The following MRTFB variants were observed in gnomAD, a reference collection of about 807,000 sequenced individuals.
The protein encoded by MRTFB is myocardin related transcription factor B, also known as myocardin-related transcription factor B.
MRTFB carries 29 observed loss-of-function variants against 104.2 expected under a neutral mutation model. That is an observed-to-expected ratio of 0.28 (90% confidence interval 0.21 to 0.38). MRTFB has a LOEUF of 0.38. MRTFB is among the 10% of genes least tolerant of loss of function. The pLI is 1.00. For synonymous variants in MRTFB, 535 were observed against 519.5 expected (o/e 1.03, Z -0.41); for missense variants, 1,270 against 1,341.6 (o/e 0.95, Z 0.83).
At chr16:14,035,734 A>G in the MRTFB span, among the ~76,000 whole-genome samples, 1 of 152,040 alleles carries the variant, frequency 6.6e-6, no homozygotes, top group African/African-American at 2.4e-5. Flanking sequence ...TTATTTCCAT[A>G]TAATTCCATT....
the MRTFB span, among the ~76,000 whole-genome samples, chr16:14,027,649 C>A: frequency 6.6e-6 from 1 of 152,142 alleles, no homozygotes; most frequent in Non-Finnish European, 1.5e-5. Flanking sequence ...ATGGGGGAAG[C>A]TGGGCGAAGA....
In MRTFB at chr16:14,203,966, A is replaced by ATTTG. The variant is rs202227282; in HGVS notation, c.155-6268_155-6265dup. Among the ~76,000 whole-genome samples, 1,071 of 151,914 alleles carry ATTTG rather than the reference A, an allele frequency of 7.1e-3. 16 individuals carry two copies. The highest frequency in any genetic ancestry group is 0.025 in the African/African-American group (1,017 of 41,478). On this transcript the variant is annotated intron_variant, in intron 3 of 16. Transcript: ENST00000571589. ...TTTAAAGGTTTTGTTTTGTGTGTTT[A>ATTTG]TTTGTTTGTTTGAGACAGAGTTCTT...
chr16:14,234,036 G>A, intron 8 of MRTFB, 110 bp from the exon 9 acceptor site: 4 of 1,355,786 alleles, frequency 3.0e-6, no homozygotes, highest in Non-Finnish European at 4.1e-6. Context: ...TTTTTCCTTT[G>A]CTTCTTTTCT....
chr16:14,110,836 A>T (rs777794018), intron 2 of MRTFB, among the ~76,000 whole-genome samples: 1 of 151,984 alleles, frequency 6.6e-6, no homozygotes, highest in Non-Finnish European at 1.5e-5. Context: ...ACTTGCCCCT[A>T]TTCCCAGCGT....
intron 2 of MRTFB, among the ~76,000 whole-genome samples, chr16:14,082,995 A>T (rs1443594070): frequency 6.6e-6 from 1 of 152,046 alleles, no homozygotes; most frequent in Non-Finnish European, 1.5e-5. Flanking sequence ...TGAGCATGGG[A>T]TATCTTTCCA....
chr16:14,110,373 C>T (rs529454731), intron 2 of MRTFB, among the ~76,000 whole-genome samples: 4 of 152,254 alleles, frequency 2.6e-5, no homozygotes, highest in Non-Finnish European at 4.4e-5. Context: ...CTATAAGAGG[C>T]GGTGGAGTAG....
rs564369282 is a variant in MRTFB, at chr16:14,148,182, A to T, written c.154+7422A>T. On this transcript the variant is annotated intron_variant, in intron 3 of 16. Transcript: ENST00000571589. ...ATAAATGATCAGTTAAATAAGTATG[A>T]CTCAGCTATAACCTCCTAGCTACTT... Among the ~76,000 whole-genome samples, 3 of 152,278 alleles carry T rather than the reference A, an allele frequency of 2.0e-5. No homozygotes were observed. The South Asian group carries it at 6.2e-4, about 32-fold the overall frequency.
At chr16:14,140,316 T>C (rs1462706042) in intron 2 of MRTFB, among the ~76,000 whole-genome samples, 1 of 152,216 alleles carries the variant, frequency 6.6e-6, no homozygotes, top group East Asian at 1.9e-4. Flanking sequence ...TATTAAAAAA[T>C]ATACAAAATA....
At chr16:14,073,647 A>G (rs2033867922) in intron 1 of MRTFB, among the ~76,000 whole-genome samples, 1 of 152,240 alleles carries the variant, frequency 6.6e-6, no homozygotes. Context: ...ACAACTAAAC[A>G]CTTGAATCAA....
In MRTFB at chr16:14,230,577, A is replaced by G. The variant is rs1337104992; in HGVS notation, c.694-3569A>G. ...TCAGAGAAATGCAAATCAAAACCAC[A>G]ATGAGATACCATCTCACACCAGTTA... On this transcript the variant is annotated intron_variant, in intron 8 of 16. Transcript: ENST00000571589. Among the ~76,000 whole-genome samples, 4 of 152,264 alleles carry G rather than the reference A, an allele frequency of 2.6e-5. No homozygotes were observed. The South Asian group carries it at 6.2e-4, about 24-fold the overall frequency.
chr16:14,116,310 G>T (rs909397175), intron 2 of MRTFB, among the ~76,000 whole-genome samples: 6 of 152,018 alleles, frequency 3.9e-5, no homozygotes, highest in African/African-American at 1.5e-4. Flanking sequence ...TCTTGGATTA[G>T]ATTTCACTTC....
intron 9 of MRTFB, among the ~76,000 whole-genome samples, chr16:14,238,432 G>A (rs897580063): frequency 6.6e-6 from 1 of 152,138 alleles, no homozygotes; most frequent in African/African-American, 2.4e-5. Context: ...GGTCTCAGTG[G>A]CATCAAATAA....
intron 3 of MRTFB, among the ~76,000 whole-genome samples, chr16:14,160,922 C>A (rs1002220310): frequency 6.6e-6 from 1 of 151,928 alleles, no homozygotes; most frequent in Non-Finnish European, 1.5e-5. Context: ...TCATCTTATG[C>A]TTTCATTGGC....
Position 14,251,457 on chromosome 16 carries a change from T to G in MRTFB, c.2404-405T>G, listed in dbSNP as rs377078052. On this transcript the variant is annotated intron_variant, in intron 13 of 16. Coordinates refer to ENST00000571589, the MANE Select transcript of MRTFB (RefSeq NM_001308142.2). The stretch of plus-strand genomic sequence containing the variant: ...GAATAGAAGAAATTCAGCTATCATT[T>G]AAGAGGAGAATTATAAAGAGCAAGC... 1.0e-3 allele frequency among the ~76,000 whole-genome samples: 152 copies of G among 151,514 alleles called. 1 individual carries two copies. In the South Asian group the frequency reaches 0.029, roughly 29 times the overall value.
chr16:14,195,030 A>G (rs2040370803), intron 3 of MRTFB, among the ~76,000 whole-genome samples: 1 of 152,170 alleles, frequency 6.6e-6, no homozygotes, highest in Admixed American at 6.5e-5. Flanking sequence ...TCCCAACTGA[A>G]TATGATTTCT....
intron 2 of MRTFB, among the ~76,000 whole-genome samples, chr16:14,099,913 C>T (rs1027161099): frequency 3.9e-5 from 6 of 152,154 alleles, no homozygotes; most frequent in African/African-American, 1.4e-4. Flanking sequence ...GGTGAACCCA[C>T]CTCGGACTCC....
At chr16:14,026,606 A>G in the MRTFB span, among the ~76,000 whole-genome samples, 1 of 152,228 alleles carries the variant, frequency 6.6e-6, no homozygotes, top group South Asian at 2.1e-4. Context: ...AAAAAGATGG[A>G]AAGACAGGCA....
chr16:14,244,175 C>T (rs947139629), intron 10 of MRTFB, among the ~76,000 whole-genome samples: 2 of 152,172 alleles, frequency 1.3e-5, no homozygotes, highest in African/African-American at 2.4e-5. Context: ...TTCATATACA[C>T]GCAATCTTAC....
intron 15 of MRTFB, among the ~76,000 whole-genome samples, chr16:14,253,237 T>C (rs1376066525): frequency 6.6e-6 from 1 of 152,178 alleles, no homozygotes; most frequent in East Asian, 1.9e-4. Flanking sequence ...TCTTTCTCTC[T>C]AAAGCTTTCT....
Sources: gnomAD v4.1 joint callset for allele counts (sites outside exome capture counted in the v4.1 genomes callset) on GRCh38, gnomAD v4.1.1 for gene constraint, MANE v1.5 for transcripts, NCBI Gene and HGNC (gene_info 2026-07-23, HGNC 2026-07-21) for gene names.